KLF12: variants seen among roughly 807,000 people sequenced by gnomAD.
KLF12 encodes the protein Krueppel-like factor 12.
In KLF12, 9 loss-of-function variants were observed where a neutral mutation model predicts 37.8. The ratio of observed to expected loss-of-function variants is 0.24; its 90% CI spans 0.14 to 0.42. The LOEUF (loss-of-function observed/expected upper bound fraction) is 0.42, where lower values mean the gene tolerates loss of function less well. Ranked by LOEUF, KLF12 falls within the 10% of genes least tolerant of loss-of-function variation. The pLI, the probability that KLF12 is intolerant of heterozygous loss-of-function variation, is 1.00. For missense variants in KLF12, 411 were observed against 516.0 expected (o/e 0.80, Z 1.97); for synonymous variants, 208 against 202.1 (o/e 1.03, Z -0.25).
At chr13:74,125,888 T>C (rs1277656220) in intron 1 of KLF12, among the ~76,000 whole-genome samples, 1 of 152,212 alleles carries the variant, frequency 6.6e-6, no homozygotes, top group African/African-American at 2.4e-5. Context: ...AATATTACGT[T>C]TAATGATAGA....
intron 1 of KLF12, among the ~76,000 whole-genome samples, chr13:74,083,843 T>C (rs1386185775): frequency 5.3e-5 from 8 of 152,194 alleles, no homozygotes; most frequent in Non-Finnish European, 1.2e-4. Context: ...GAAATTAAAA[T>C]GCAAAATAAA....
intron 1 of KLF12, among the ~76,000 whole-genome samples, chr13:74,088,328 C>T (rs1045737251): frequency 5.9e-5 from 9 of 151,682 alleles, no homozygotes; most frequent in Admixed American, 6.6e-5. Context: ...CCTGAGTTCA[C>T]GCAATTCTCC....
At chr13:74,206,081 C>T in the KLF12 span, among the ~76,000 whole-genome samples, 81 of 152,070 alleles carry the variant, frequency 5.3e-4, no homozygotes, top group South Asian at 1.9e-3. Flanking sequence ...TGATCCATTT[C>T]ATTAACCTGA....
At chr13:74,072,394 T>TATATATAC (rs1411623082) in intron 1 of KLF12, among the ~76,000 whole-genome samples, 1 of 124,392 alleles carries the variant, frequency 8.0e-6, no homozygotes, top group East Asian at 2.4e-4. Flanking sequence ...TATATATATA[T>TATATATAC]ATATATATAT....
chr13:74,172,056 C>G, the KLF12 span, among the ~76,000 whole-genome samples: 2 of 151,746 alleles, frequency 1.3e-5, no homozygotes, highest in Admixed American at 1.3e-4. Flanking sequence ...TGACCCCAGC[C>G]AAATGGCTAT....
Position 74,027,201 on chromosome 13 carries a change from C to G in KLF12, c.-31-32148G>C, listed in dbSNP as rs188298256. 1.3e-3 allele frequency among the ~76,000 whole-genome samples: 202 copies of G among 152,280 alleles called. 1 individual carries two copies. Among genetic ancestry groups the G allele is most frequent in the African/African-American group, 4.5e-3 (188 of 41,534 alleles). On this transcript the variant is annotated intron_variant, in intron 1 of 7. Coordinates refer to ENST00000377669, the MANE Select transcript of KLF12 (RefSeq NM_007249.5). ...AAAAACAACCTACCTTACAGCTTGC[C>G]TGAGAATTTGTGAAGAAATACGAAG...
chr13:73,939,055 G>A (rs750970163), intron 3 of KLF12, among the ~76,000 whole-genome samples: 30 of 152,100 alleles, frequency 2.0e-4, no homozygotes, highest in Non-Finnish European at 3.7e-4. Context: ...CACTATTGCC[G>A]CTCTTCTCTG....
chr13:73,929,622 G>A (rs1889572206), intron 3 of KLF12, among the ~76,000 whole-genome samples: 1 of 152,168 alleles, frequency 6.6e-6, no homozygotes. Flanking sequence ...GTACATCAGA[G>A]AATCAGCCAG....
intron 3 of KLF12, among the ~76,000 whole-genome samples, chr13:73,936,960 G>A (rs1889961776): frequency 6.6e-6 from 1 of 152,154 alleles, no homozygotes; most frequent in South Asian, 2.1e-4. Flanking sequence ...GGGAGGCAAA[G>A]GCAGGTGGAT....
chr13:73,770,489 G>T (rs1000182778), intron 5 of KLF12, among the ~76,000 whole-genome samples: 2 of 151,660 alleles, frequency 1.3e-5, no homozygotes, highest in South Asian at 4.2e-4. Context: ...AGAAAAGTGG[G>T]CTGAACTTAA....
chr13:74,057,196 A>G lies in KLF12; in HGVS notation c.-31-62143T>C, dbSNP rs1033650006. ...TTGCCCTTATCTTCATTATCTTCAT[A>G]AAGTTTACCCAACATGATCTTAATT... On this transcript the variant is annotated intron_variant, in intron 1 of 7. Transcript: ENST00000377669. 5.3e-5 allele frequency among the ~76,000 whole-genome samples: 8 copies of G among 152,310 alleles called. No homozygotes were observed. In the South Asian group the frequency reaches 1.0e-3, roughly 20 times the overall value.
At chr13:73,695,710 C>A in intron 7 of KLF12, 39 bp from the exon 8 acceptor site, 1 of 1,587,412 alleles carries the variant, frequency 6.3e-7, no homozygotes, top group Non-Finnish European at 8.6e-7. Flanking sequence ...GGTGCTCCAT[C>A]CATCACTTTG....
chr13:73,798,524 C>T lies in KLF12; in HGVS notation c.806+14628G>A, dbSNP rs114503675. 2.5e-3 allele frequency among the ~76,000 whole-genome samples: 378 copies of T among 152,124 alleles called. 3 individuals are homozygous for T. Among genetic ancestry groups the T allele is most frequent in the African/African-American group, 8.8e-3 (367 of 41,490 alleles). ...AAATATTTGCAAACTATACATCTGA[C>T]GAAAGTCTAATATCCAACATCTATA... On this transcript the variant is annotated intron_variant, in intron 5 of 7. Transcript: ENST00000377669.
At position 73,688,364 on chromosome 13, in the gene KLF12, T is replaced by A. The variant is rs923335156; in HGVS notation, c.*7126A>T. 1 of 152,264 alleles carries A rather than the reference T, an allele frequency of 6.6e-6. No homozygotes were observed. Among genetic ancestry groups the A allele is most frequent in the Non-Finnish European group, 1.5e-5 (1 of 68,038 alleles). The allele number at this position is 152,264 out of a possible 1,614,324, so 9.4% of individuals were successfully genotyped here. ...AAGTGAGAACTCTGAAAAAGAATTA[T>A]CCATTATCTCTCCTTTATCATCATC... On this transcript the variant is annotated 3_prime_UTR_variant, in exon 8 of 8. Coordinates refer to ENST00000377669, the MANE Select transcript of KLF12 (RefSeq NM_007249.5).
chr13:73,895,087 T>C (rs1254021755), intron 3 of KLF12, among the ~76,000 whole-genome samples: 2 of 152,204 alleles, frequency 1.3e-5, no homozygotes, highest in African/African-American at 4.8e-5. Context: ...ATGAACCACA[T>C]AATTACAATC....
chr13:73,795,753 A>G (rs1881924977), intron 5 of KLF12, among the ~76,000 whole-genome samples: 1 of 152,196 alleles, frequency 6.6e-6, no homozygotes, highest in Non-Finnish European at 1.5e-5. Flanking sequence ...GACTGTTACA[A>G]AAGAAAAGCT....
At chr13:74,177,120 G>A in the KLF12 span, among the ~76,000 whole-genome samples, 1 of 152,272 alleles carries the variant, frequency 6.6e-6, no homozygotes, top group African/African-American at 2.4e-5. Context: ...TAAATTAAGT[G>A]TAATTATGAA....
the KLF12 span, among the ~76,000 whole-genome samples, chr13:74,301,610 G>C: frequency 6.6e-6 from 1 of 152,158 alleles, no homozygotes; most frequent in Non-Finnish European, 1.5e-5. Flanking sequence ...CCTGCAGTCA[G>C]ACACAGAAGA....
intron 5 of KLF12, among the ~76,000 whole-genome samples, chr13:73,806,737 GGAT>G (rs1882653978): frequency 6.6e-6 from 1 of 151,630 alleles, no homozygotes; most frequent in African/African-American, 2.4e-5. Context: ...TTTATCTGTA[GGAT>G]ACAGACAGTA....
Sources: allele counts gnomAD v4.1 joint callset (sites outside exome capture counted in the v4.1 genomes callset), GRCh38; gene constraint gnomAD v4.1.1; transcripts MANE v1.5; gene names NCBI Gene and HGNC (gene_info 2026-07-23, HGNC 2026-07-21).